Variants in CA5B observed in about 807,000 individuals in gnomAD.
CA5B encodes carbonic anhydrase 5B, mitochondrial.
In CA5B, 15 loss-of-function variants were observed where a neutral mutation model predicts 23.1. The observed-to-expected ratio is 0.65, with a 90% CI of 0.43 to 1.00. The LOEUF is 1.00. Among genes scored for constraint, CA5B ranks in the 50% least tolerant of loss-of-function variants. The probability of loss-of-function intolerance (pLI) is 0.00; values close to 1 mark genes in which losing one functional copy is unlikely to be tolerated. For missense variants in CA5B, 236 were observed against 252.2 expected, an observed-to-expected ratio of 0.94 and a Z score of 0.43; for synonymous variants, 84 against 98.5, an observed-to-expected ratio of 0.85 and a Z score of 0.87.
intron 1 of CA5B, among the ~76,000 whole-genome samples, chrX:15,748,749 A>T (rs929140854): frequency 1.0e-5 from 1 of 100,039 alleles, no homozygotes; most frequent in Middle Eastern, 4.3e-3. Context: ...TCTAAAAAAA[A>T]TAAAGTTAGC....
At chrX:15,780,276 C>CG (rs200239908) in intron 7 of CA5B, among the ~76,000 whole-genome samples, 34,148 of 86,445 alleles carry the variant, frequency 0.4, 5,815 homozygotes, top group Non-Finnish European at 0.57. Context: ...ATGCCTGGAA[C>CG]ATTTTTTTTT....
At chrX:15,747,251 A>C (rs1299779446) in intron 1 of CA5B, among the ~76,000 whole-genome samples, 2 of 111,962 alleles carry the variant, frequency 1.8e-5, no homozygotes, top group African/African-American at 6.5e-5. Context: ...GCATTGTAGT[A>C]AAGAAAGAGT....
At chrX:15,750,912 A>C (rs1235968989) in intron 2 of CA5B, among the ~76,000 whole-genome samples, 1 of 111,560 alleles carries the variant, frequency 9.0e-6, no homozygotes, top group Non-Finnish European at 1.9e-5. Flanking sequence ...TGTGCCCTGG[A>C]GGGTCTTTAG....
chrX:15,742,080 C>G (rs946448673), intron 1 of CA5B, among the ~76,000 whole-genome samples: 1 of 112,216 alleles, frequency 8.9e-6, no homozygotes, highest in African/African-American at 3.2e-5. Flanking sequence ...CCCACTGTCT[C>G]CCCTATCTCA....
chrX:15,771,084 G>T (rs770768974), intron 3 of CA5B, among the ~76,000 whole-genome samples: 90 of 104,684 alleles, frequency 8.6e-4, no homozygotes, highest in African/African-American at 3.0e-3. Flanking sequence ...ATCTTATCTG[G>T]GCCAGCCGCA....
chrX:15,753,709 G>C (rs1931428559), intron 2 of CA5B, among the ~76,000 whole-genome samples: 1 of 112,222 alleles, frequency 8.9e-6, no homozygotes, highest in Non-Finnish European at 1.9e-5. Flanking sequence ...AGGAGTTCGA[G>C]ATCAGCCTGG....
chrX:15,775,455 G>A, intron 6 of CA5B, 147 bp downstream of exon 6: 1 of 996,938 alleles, frequency 1.0e-6, no homozygotes, highest in Non-Finnish European at 1.3e-6. Context: ...TATGATTCCA[G>A]GGGACAGAAG....
intron 1 of CA5B, among the ~76,000 whole-genome samples, chrX:15,749,507 T>G (rs981552570): frequency 8.0e-5 from 9 of 111,947 alleles, no homozygotes; most frequent in African/African-American, 2.9e-4. Context: ...TTTGTTTTTG[T>G]TTTTTTGTTG....
At position 15,782,632 on chromosome X, in the gene CA5B, C is replaced by A. The variant is rs763902621; in HGVS notation, c.922C>A (p.Pro308Thr). Reference sequence around the variant, plus strand: ...TTATGTGCTGAATGTACAAGCGAAACCCAAGCCGGCCACCAGCCAAGCAAC... The same window carrying A: ...TTATGTGCTGAATGTACAAGCGAAAACCAAGCCGGCCACCAGCCAAGCAAC... ...HDYVLNVQAK[P>T]KPATSQATP Residue 308 changes from proline (P) to threonine (T), a missense_variant, in exon 8 of 8, where the codon CCC (proline) becomes ACC (threonine). By Grantham distance (38) the Pro-to-Thr change is conservative (BLOSUM62 -1). This residue lies in a region of CA5B where 170 missense variants were observed against 162.0 expected (regional missense o/e 1.05). Coordinates refer to ENST00000318636, the MANE Select transcript of CA5B (RefSeq NM_007220.4). 1.5e-5 allele frequency: 18 copies of A among 1,195,565 alleles called. No homozygotes were observed. The highest frequency in any genetic ancestry group is 4.7e-4 in the Middle Eastern group (2 of 4,290).
intron 3 of CA5B, among the ~76,000 whole-genome samples, chrX:15,771,904 T>C (rs995477926): frequency 1.8e-5 from 2 of 111,482 alleles, no homozygotes; most frequent in Non-Finnish European, 3.8e-5. Context: ...GTTACTCTTT[T>C]AGTAATTTTG....
intron 2 of CA5B, among the ~76,000 whole-genome samples, chrX:15,757,662 C>T (rs1280832713): frequency 4.7e-5 from 5 of 105,913 alleles, no homozygotes; most frequent in Non-Finnish European, 9.7e-5. Flanking sequence ...GAGCCAAGAT[C>T]GTGCCACTGC....
At chrX:15,779,918 T>C (rs1426416632) in intron 7 of CA5B, among the ~76,000 whole-genome samples, 1 of 112,211 alleles carries the variant, frequency 8.9e-6, no homozygotes, top group Non-Finnish European at 1.9e-5. Flanking sequence ...TGTGAGGACT[T>C]TGTAAATACG....
intron 7 of CA5B, among the ~76,000 whole-genome samples, chrX:15,778,075 GAT>G (rs1165550828): frequency 4.5e-5 from 5 of 111,303 alleles, no homozygotes; most frequent in African/African-American, 1.6e-4. Context: ...TCAGCTAAAA[GAT>G]ATGATATAAA....
chrX:15,752,656 C>T (rs926526565), intron 2 of CA5B, among the ~76,000 whole-genome samples: 3 of 109,427 alleles, frequency 2.7e-5, no homozygotes, highest in African/African-American at 3.3e-5. Flanking sequence ...ACCCGGGAGG[C>T]GGAGCTTGCA....
chrX:15,739,810 C>T (rs1931081762), intron 1 of CA5B, among the ~76,000 whole-genome samples: 1 of 111,671 alleles, frequency 9.0e-6, no homozygotes, highest in Non-Finnish European at 1.9e-5. Flanking sequence ...GGAAGCTGAG[C>T]TTTCTCAGTC....
At chrX:15,775,742 A>G in intron 6 of CA5B, 1 of 752,747 alleles carries the variant, frequency 1.3e-6, no homozygotes. Flanking sequence ...CCCCAATATT[A>G]ATTCTTCAAT....
rs1932048575 is a variant in CA5B at position 15,782,748 on chromosome X, C to T, written c.*84C>T. On this transcript the variant is annotated 3_prime_UTR_variant, in exon 8 of 8. Transcript: ENST00000318636. ...ATTGTTAACTAGACTATTCTAAGTG[C>T]CTGCATTTGATAATATTTACAGATG... 11 of 710,553 alleles carry T rather than the reference C, an allele frequency of 1.5e-5. No individual in the cohort carries two copies. The highest frequency in any genetic ancestry group is 1.8e-5 in the Non-Finnish European group (9 of 487,730). 58.6% of individuals were successfully genotyped at this position (710,553 alleles called of 1,213,427 possible). A position where few individuals can be genotyped will look rare whatever the true frequency, so the allele number is the denominator to read the frequency against.
In CA5B at chrX:15,774,323, G is replaced by A. The variant is rs147600421; in HGVS notation, c.481G>A (p.Ala161Thr). The change falls in exon 5 of 8, where the codon GCA becomes ACA. Residue 161 changes from alanine to threonine, a missense_variant. Transcript: ENST00000318636. ...TCAGCTGCACTTAGTGCATTGGAACGCAGTCAGATTTGAAAACTTTGAGGA... is the reference window on the plus strand; with the variant it reads ...TCAGCTGCACTTAGTGCATTGGAACACAGTCAGATTTGAAAACTTTGAGGA... Reference protein sequence around the residue: ...PAELHLVHWNAVRFENFEDAA... With the variant: ...PAELHLVHWNTVRFENFEDAA... 1,306 of 1,206,864 alleles carry A rather than the reference G, an allele frequency of 1.1e-3. 11 individuals are homozygous for A. The African/African-American group carries it at 0.021, about 20-fold the overall frequency.
At chrX:15,762,825 G>A (rs756271294) in intron 2 of CA5B, 102 of 371,034 alleles carry the variant, frequency 2.7e-4, no homozygotes, top group African/African-American at 2.2e-3. Context: ...TACTTCTAAA[G>A]GACAGGGAAA....
Sources: gnomAD v4.1 joint callset for allele counts (sites outside exome capture counted in the v4.1 genomes callset) on GRCh38, gnomAD v4.1.1 for gene constraint, gnomAD v4.1.1 regional missense constraint, MANE v1.5 for transcripts, NCBI Gene and HGNC (gene_info 2026-07-23, HGNC 2026-07-21) for gene names.